Variants in UNC5D observed in about 807,000 individuals in gnomAD.
The protein encoded by UNC5D is unc-5 netrin receptor D, also known as netrin receptor UNC5D.
Under a neutral mutation model 105.4 loss-of-function variants are expected in UNC5D, and 39 were observed. The ratio of observed to expected loss-of-function variants is 0.37; its 90% confidence interval spans 0.29 to 0.48. UNC5D has a LOEUF of 0.48. Among genes scored for constraint, UNC5D ranks in the 20% least tolerant of loss-of-function variants. The probability of loss-of-function intolerance (pLI) is 0.98; values close to 1 mark genes in which losing one functional copy is unlikely to be tolerated. For missense variants in UNC5D, 991 were observed against 1,202.4 expected (o/e 0.82, Z 2.60); for synonymous variants, 452 against 450.4 (o/e 1.00, Z -0.04).
At chr8:35,711,168 T>TTTTTG (rs536017128) in intron 8 of UNC5D, among the ~76,000 whole-genome samples, 408 of 148,468 alleles carry the variant, frequency 2.7e-3, no homozygotes, top group African/African-American at 8.5e-3. Context: ...CGGCTTTCTG[T>TTTTTG]TTTTGTTTTG....
intron 7 of UNC5D, among the ~76,000 whole-genome samples, chr8:35,690,907 A>T (rs1326669954): frequency 3.9e-5 from 6 of 152,198 alleles, no homozygotes; most frequent in Admixed American, 3.9e-4. Flanking sequence ...ACTCAACATG[A>T]CCCTAAAGCA....
intron 1 of UNC5D, among the ~76,000 whole-genome samples, chr8:35,455,786 G>A (rs1050307103): frequency 2.0e-5 from 3 of 152,044 alleles, no homozygotes; most frequent in African/African-American, 7.2e-5. Flanking sequence ...GTAGGCAAGA[G>A]AGAATAAGAA....
At chr8:35,247,679 T>A (rs1263890661) in intron 1 of UNC5D, among the ~76,000 whole-genome samples, 6 of 8,892 alleles carry the variant, frequency 6.7e-4, no homozygotes, top group African/African-American at 3.1e-3. Flanking sequence ...TATATAAATA[T>A]ATATTATATA....
intron 1 of UNC5D, among the ~76,000 whole-genome samples, chr8:35,522,313 C>A (rs1174344118): frequency 6.6e-6 from 1 of 152,180 alleles, no homozygotes; most frequent in Non-Finnish European, 1.5e-5. Flanking sequence ...CTGATCTAAA[C>A]TCAATTCTCC....
chr8:35,427,197 C>T (rs1194388025), intron 1 of UNC5D, among the ~76,000 whole-genome samples: 2 of 152,142 alleles, frequency 1.3e-5, no homozygotes, highest in Non-Finnish European at 2.9e-5. Context: ...GTGAAATTTC[C>T]TAATAAGAAG....
intron 1 of UNC5D, among the ~76,000 whole-genome samples, chr8:35,293,141 A>G (rs933159426): frequency 4.6e-5 from 7 of 152,166 alleles, no homozygotes; most frequent in African/African-American, 1.4e-4. Flanking sequence ...GCTGAGGCGG[A>G]TGAGGAAGAT....
chr8:35,656,102 T>C (rs2131204780), intron 4 of UNC5D, among the ~76,000 whole-genome samples: 1 of 152,284 alleles, frequency 6.6e-6, no homozygotes, highest in Admixed American at 6.5e-5. Context: ...TTGGGAGAGA[T>C]AGGATCTGTC....
chr8:35,305,709 G>T (rs1808347195), intron 1 of UNC5D, among the ~76,000 whole-genome samples: 3 of 125,236 alleles, frequency 2.4e-5, no homozygotes, highest in Admixed American at 9.0e-5. Context: ...CTCCCTGCCT[G>T]ACTCCCTCTC....
chr8:35,633,074 G>A (rs950411898), intron 4 of UNC5D, among the ~76,000 whole-genome samples: 4 of 152,058 alleles, frequency 2.6e-5, no homozygotes, highest in Non-Finnish European at 5.9e-5. Flanking sequence ...AGGTTCATGG[G>A]GTCCCCTCTC....
At chr8:35,390,124 A>G (rs977095296) in intron 1 of UNC5D, among the ~76,000 whole-genome samples, 13 of 152,282 alleles carry the variant, frequency 8.5e-5, no homozygotes, top group African/African-American at 3.1e-4. Flanking sequence ...TCACATGGCC[A>G]GAGGAGAAGC....
In UNC5D at chr8:35,595,550, G is replaced by T. The variant is rs1586207664; in HGVS notation, c.467-4G>T. ...AGTGTCACCTATCTCATGCTTCTTT[G>T]CAGATTTACGGAAAAACTTTGAACA... On this transcript the variant is annotated splice_polypyrimidine_tract_variant and splice_region_variant and intron_variant, in intron 3 of 16. Coordinates refer to ENST00000404895, the MANE Select transcript of UNC5D (RefSeq NM_080872.4). The T allele has an allele frequency of 6.2e-7, 1 of 1,613,762 alleles. No homozygotes were observed. Among genetic ancestry groups the T allele is most frequent in the East Asian group, 2.2e-5 (1 of 44,864 alleles).
chr8:35,491,405 T>G (rs144097670), intron 1 of UNC5D, among the ~76,000 whole-genome samples: 2 of 152,276 alleles, frequency 1.3e-5, no homozygotes, highest in East Asian at 3.9e-4. Flanking sequence ...GGTGATAAAT[T>G]AGATTATACC....
intron 16 of UNC5D, among the ~76,000 whole-genome samples, chr8:35,788,383 C>G (rs1328834128): frequency 6.6e-6 from 1 of 152,102 alleles, no homozygotes; most frequent in East Asian, 1.9e-4. Context: ...CTTTTCAACT[C>G]ATCAGAATTT....
At chr8:35,621,636 T>TA (rs1028406437) in intron 4 of UNC5D, among the ~76,000 whole-genome samples, 1 of 151,952 alleles carries the variant, frequency 6.6e-6, no homozygotes, top group Non-Finnish European at 1.5e-5. Context: ...GGCTTCTCAT[T>TA]AAAAAAATGA....
intron 11 of UNC5D, among the ~76,000 whole-genome samples, chr8:35,732,249 G>A (rs1829230399): frequency 6.6e-6 from 1 of 152,156 alleles, no homozygotes; most frequent in African/African-American, 2.4e-5. Flanking sequence ...GTACTCAATG[G>A]TTTTAACTTT....
At chr8:35,302,913 C>T (rs763201566) in intron 1 of UNC5D, among the ~76,000 whole-genome samples, 40 of 152,036 alleles carry the variant, frequency 2.6e-4, no homozygotes, top group African/African-American at 7.0e-4. Context: ...AGGAATCAAA[C>T]GTTTGGAGAA....
At chr8:35,299,865 G>A (rs1446958084) in intron 1 of UNC5D, among the ~76,000 whole-genome samples, 1 of 152,168 alleles carries the variant, frequency 6.6e-6, no homozygotes, top group Non-Finnish European at 1.5e-5. Context: ...AAGTTACTGT[G>A]AATTGATTGC....
At chr8:35,492,507 T>G (rs1811277129) in intron 1 of UNC5D, among the ~76,000 whole-genome samples, 2 of 152,122 alleles carry the variant, frequency 1.3e-5, no homozygotes, top group Non-Finnish European at 1.5e-5. Context: ...ATGACAAATG[T>G]GTAAGGGCAA....
chr8:35,345,723 A>G (rs1811762770), intron 1 of UNC5D, among the ~76,000 whole-genome samples: 1 of 152,066 alleles, frequency 6.6e-6, no homozygotes, highest in East Asian at 1.9e-4. Context: ...TGAAACACAT[A>G]TTAGACTTTT....
Sources: allele counts gnomAD v4.1 joint callset (sites outside exome capture counted in the v4.1 genomes callset), GRCh38; gene constraint gnomAD v4.1.1; transcripts MANE v1.5; gene names NCBI Gene and HGNC (gene_info 2026-07-23, HGNC 2026-07-21).